Variants in CD4 observed in about 807,000 individuals in gnomAD.
The protein encoded by CD4 is CD4 molecule, also known as T-cell surface glycoprotein CD4.
In CD4, 25 loss-of-function variants were observed where a neutral mutation model predicts 50.5. That is an observed-to-expected ratio of 0.49 (90% CI 0.36 to 0.69). The LOEUF is 0.69. Among genes scored for constraint, CD4 ranks in the 30% least tolerant of loss-of-function variants. The pLI, the probability that CD4 is intolerant of heterozygous loss-of-function variation, is 0.00. For synonymous variants in CD4, 207 were observed against 221.9 expected, an observed-to-expected ratio of 0.93 and a Z score of 0.60; for missense variants, 456 against 548.5, an observed-to-expected ratio of 0.83 and a Z score of 1.68.
chr12:6,800,618 T>G, intron 3 of CD4, 147 bp downstream of exon 3: 1 of 629,720 alleles, frequency 1.6e-6, no homozygotes, highest in South Asian at 2.3e-5. Flanking sequence ...CCAGAGTTTC[T>G]CTACACCAAC....
intron 3 of CD4, among the ~76,000 whole-genome samples, chr12:6,806,486 A>C (rs1942762342): frequency 1.3e-5 from 2 of 152,178 alleles, no homozygotes; most frequent in Admixed American, 1.3e-4. Context: ...ATCAAAAAAG[A>C]AGAATAATAA....
intron 3 of CD4, among the ~76,000 whole-genome samples, chr12:6,805,231 A>C (rs144155272): frequency 8.6e-5 from 13 of 150,622 alleles, no homozygotes; most frequent in African/African-American, 3.2e-4. Flanking sequence ...AGAAAAGAAA[A>C]AGAAAGAGAG....
intron 1 of CD4, chr12:6,799,000 A>G (rs1555114765): frequency 1.3e-5 from 2 of 152,316 alleles, no homozygotes; most frequent in Non-Finnish European, 2.9e-5. Context: ...CACCTTCTCC[A>G]TGCATCCTTT....
At position 6,819,461 on chromosome 12, in the gene CD4, T is replaced by C. The variant is rs1555118711; in HGVS notation, c.*132T>C. ...GTTCGCCTCCTCTACAATTTGCCAT[T>C]GTTTCTCCTGGGTTAGGCCCCGGCT... On this transcript the variant is annotated 3_prime_UTR_variant, in exon 10 of 10. Coordinates refer to ENST00000011653, the MANE Select transcript of CD4 (RefSeq NM_000616.5). The C allele has an allele frequency of 2.3e-6, 2 of 857,134 alleles. No individual in the cohort carries two copies. The highest frequency in any genetic ancestry group is 4.9e-5 in the East Asian group (2 of 41,020). The allele number at this position is 857,134 out of a possible 1,614,324, so 53.1% of individuals were successfully genotyped here.
intron 3 of CD4, among the ~76,000 whole-genome samples, chr12:6,808,532 T>G (rs955527530): frequency 6.6e-6 from 1 of 151,020 alleles, no homozygotes; most frequent in Non-Finnish European, 1.5e-5. Context: ...TTCCCTACTT[T>G]GTGAGATAAT....
At chr12:6,793,688 CTATCTATCT>C (rs1436857434) in intron 1 of CD4, among the ~76,000 whole-genome samples, 19 of 88,860 alleles carry the variant, frequency 2.1e-4, no homozygotes, top group Middle Eastern at 0.01. Flanking sequence ...ATCTATCTAT[CTATCTATCT>C]ATCTATCTTT....
chr12:6,807,591 C>T (rs2137889312), intron 3 of CD4, among the ~76,000 whole-genome samples: 1 of 152,126 alleles, frequency 6.6e-6, no homozygotes, highest in Non-Finnish European at 1.5e-5. Context: ...AGGGGTATGG[C>T]TACAAAAAGC....
intron 3 of CD4, among the ~76,000 whole-genome samples, chr12:6,807,785 T>C (rs189184669): frequency 3.4e-4 from 52 of 152,240 alleles, no homozygotes; most frequent in African/African-American, 1.3e-3. Flanking sequence ...CTCAAAATAA[T>C]AAGTTTAGTT....
At chr12:6,804,211 A>C (rs1942658789) in intron 3 of CD4, among the ~76,000 whole-genome samples, 1 of 151,934 alleles carries the variant, frequency 6.6e-6, no homozygotes, top group East Asian at 1.9e-4. Flanking sequence ...GACCCACCCT[A>C]CTACAACTAA....
chr12:6,815,376 G>A (rs139450538), intron 5 of CD4, among the ~76,000 whole-genome samples: 1 of 152,280 alleles, frequency 6.6e-6, no homozygotes, highest in East Asian at 1.9e-4. Context: ...AGCCAACCCT[G>A]ATGATGTTCT....
At position 6,816,811 on chromosome 12, in the gene CD4, T is replaced by A. The variant is rs1463948854; in HGVS notation, c.956-319T>A. 6.6e-6 allele frequency among the ~76,000 whole-genome samples: 1 copy of A among 152,342 alleles called. No individual in the cohort carries two copies. Among genetic ancestry groups the A allele is most frequent in the African/African-American group, 2.4e-5 (1 of 41,582 alleles). ...TGGCTTCCTTATCTCCTTATCATCA[T>A]AACGACTCTGCAAATAGTAATGGCT... On this transcript the variant is annotated intron_variant, in intron 6 of 9. Coordinates refer to ENST00000011653, the MANE Select transcript of CD4 (RefSeq NM_000616.5). This position sits in a 1 kb window ranked among gnomAD's most constrained non-coding sequence, Gnocchi z 4.9.
chr12:6,809,498 A>T (rs1341864420), intron 3 of CD4, among the ~76,000 whole-genome samples: 2 of 151,636 alleles, frequency 1.3e-5, no homozygotes, highest in East Asian at 3.9e-4. Context: ...CCTGTCTCAA[A>T]AAAAAAAAAA....
At position 6,819,419 on chromosome 12, in the gene CD4, C is replaced by CAGGTGT; in HGVS notation, c.*90_*91insAGGTGT. ...CGGACCAGATGAATGTAGCAGATCC[C>CAGGTGT]CAGCCTCTGGCCTCCTGTTCGCCTC... On this transcript the variant is annotated 3_prime_UTR_variant, in exon 10 of 10. Coordinates refer to ENST00000011653, the MANE Select transcript of CD4 (RefSeq NM_000616.5). The CAGGTGT allele has an allele frequency of 8.0e-7, 1 of 1,252,064 alleles. No homozygotes were observed. The highest frequency in any genetic ancestry group is 1.2e-6 in the Non-Finnish European group (1 of 852,388). The allele number at this position is 1,252,064 out of a possible 1,614,324, so 77.6% of individuals were successfully genotyped here.
Position 6,814,877 on chromosome 12 carries a change from G to A in CD4, c.492G>A (p.Gln164=). 1 of 1,612,948 alleles carries A rather than the reference G, an allele frequency of 6.2e-7. No homozygotes were observed. The highest frequency in any genetic ancestry group is 8.5e-7 in the Non-Finnish European group (1 of 1,179,254). Residue 164 remains glutamine (Q), a synonymous_variant, in exon 5 of 10, where the codon CAG becomes CAA. Transcript: ENST00000011653. Reference sequence around the variant, plus strand: ...GGAGTCCAAGGGGTAAAAACATACAGGGGGGGAAGACCCTCTCCGTGTCTC... The same window carrying A: ...GGAGTCCAAGGGGTAAAAACATACAAGGGGGGAAGACCCTCTCCGTGTCTC... ...QCRSPRGKNI[Q]GGKTLSVSQL...
intron 3 of CD4, among the ~76,000 whole-genome samples, chr12:6,805,883 A>C (rs1202916746): frequency 6.6e-6 from 1 of 151,848 alleles, no homozygotes; most frequent in Non-Finnish European, 1.5e-5. Context: ...TCACGACTGC[A>C]GTGAGCTATG....
rs1475364101 is a variant in CD4 at position 6,792,482 on chromosome 12, G to A, written c.-68+2820G>A. Among the ~76,000 whole-genome samples, 3 of 152,126 alleles carry A rather than the reference G, an allele frequency of 2.0e-5. No individual in the cohort carries two copies. Among genetic ancestry groups the A allele is most frequent in the Non-Finnish European group, 4.4e-5 (3 of 68,026 alleles). ...TGCGCTTTGTGTGTGATTGTGGATT[G>A]TGTGTGCATAGCTGTTGCTTTAACA... is the stretch of plus-strand genomic sequence containing the variant. On this transcript the variant is annotated intron_variant, in intron 1 of 9. Transcript: ENST00000011653. The surrounding 1 kb of genome is among the most constrained non-coding windows in gnomAD (Gnocchi z 4.1).
intron 3 of CD4, among the ~76,000 whole-genome samples, chr12:6,801,503 C>T (rs1464730256): frequency 5.4e-4 from 66 of 121,490 alleles, no homozygotes; most frequent in African/African-American, 1.9e-3. Flanking sequence ...GGTGACAGAG[C>T]AAGACTTCAT....
intron 1 of CD4, among the ~76,000 whole-genome samples, chr12:6,790,739 C>G (rs902735721): frequency 6.6e-6 from 1 of 152,242 alleles, no homozygotes; most frequent in South Asian, 2.1e-4. Flanking sequence ...CCCCAGTGTC[C>G]TCTGCTTTCC....
At position 6,818,969 on chromosome 12, in the gene CD4, T is replaced by G. The variant is rs55764611; in HGVS notation, c.1346+55T>G. 646,627 of 646,712 alleles carry G rather than the reference T, an allele frequency of 1. 323,273 individuals carry two copies. The highest frequency in any genetic ancestry group is 1 in the Middle Eastern group (3,512 of 3,512). The allele number at this position is 646,712 out of a possible 1,614,324, so 40.1% of individuals were successfully genotyped here. Reference sequence around the variant, plus strand: ...GGGGAAAGGGGGAGGGGGAGGGAGTTAGAGAGGAGGGGGAGGAAGGGGAGC... The same window carrying G: ...GGGGAAAGGGGGAGGGGGAGGGAGTGAGAGAGGAGGGGGAGGAAGGGGAGC... On this transcript the variant is annotated intron_variant, in intron 9 of 9. Transcript: ENST00000011653. This position sits in a 1 kb window ranked among gnomAD's most constrained non-coding sequence, Gnocchi z 5.0.
Sources: gnomAD v4.1 joint callset for allele counts (sites outside exome capture counted in the v4.1 genomes callset) on GRCh38, gnomAD v4.1.1 for gene constraint, Gnocchi (gnomAD v3.1) non-coding constraint, MANE v1.5 for transcripts, NCBI Gene and HGNC (gene_info 2026-07-23, HGNC 2026-07-21) for gene names.